The following CADM2 variants were observed in gnomAD, a reference collection of about 807,000 sequenced individuals.
CADM2 encodes the protein immunoglobulin superfamily member 4D.
CADM2 carries 12 observed loss-of-function variants against 49.8 expected under a neutral mutation model. The observed-to-expected ratio is 0.24, with a 90% confidence interval of 0.15 to 0.39. CADM2 has a LOEUF of 0.39. Ranked by LOEUF, CADM2 falls within the 10% of genes least tolerant of loss-of-function variation. The pLI is 1.00. For synonymous variants in CADM2, 214 were observed against 175.4 expected, an observed-to-expected ratio of 1.22 and a Z score of -1.74; for missense variants, 378 against 492.3, an observed-to-expected ratio of 0.77 and a Z score of 2.20.
chr3:85,246,187 A>G (rs372019290), intron 1 of CADM2, among the ~76,000 whole-genome samples: 9 of 152,290 alleles, frequency 5.9e-5, no homozygotes, highest in South Asian at 4.1e-4. Context: ...TCAGCAAACT[A>G]TCGCAAGAAC....
At chr3:86,018,928 T>A (rs1220024904) in intron 8 of CADM2, among the ~76,000 whole-genome samples, 1 of 148,072 alleles carries the variant, frequency 6.8e-6, no homozygotes, top group Non-Finnish European at 1.5e-5. Flanking sequence ...TTGCTTTTGG[T>A]GTTTTAGACA....
chr3:85,730,772 C>A (rs1174017869), intron 2 of CADM2, among the ~76,000 whole-genome samples: 1 of 152,024 alleles, frequency 6.6e-6, no homozygotes, highest in Non-Finnish European at 1.5e-5. Context: ...ATAGCTTTAA[C>A]CCAGAAAAAA....
At chr3:84,968,317 C>T (rs1365440967) in intron 1 of CADM2, among the ~76,000 whole-genome samples, 2 of 151,950 alleles carry the variant, frequency 1.3e-5, no homozygotes, top group South Asian at 2.1e-4. Flanking sequence ...ATTAGTTCTA[C>T]GAGGTTCCCC....
chr3:85,898,932 A>ATT (rs1559729710), intron 5 of CADM2, among the ~76,000 whole-genome samples: 1 of 27,294 alleles, frequency 3.7e-5, no homozygotes, highest in East Asian at 1.3e-3. Context: ...CAATTCATTT[A>ATT]TTGTGTATAT....
intron 1 of CADM2, among the ~76,000 whole-genome samples, chr3:84,971,347 T>C (rs908509333): frequency 2.0e-5 from 3 of 152,194 alleles, no homozygotes; most frequent in African/African-American, 7.2e-5. Flanking sequence ...AAAGAAGTTG[T>C]ATGTTCAATA....
intron 1 of CADM2, among the ~76,000 whole-genome samples, chr3:85,724,889 T>A (rs910154199): frequency 1.3e-5 from 2 of 151,914 alleles, no homozygotes; most frequent in African/African-American, 4.8e-5. Context: ...TTTGATGAAA[T>A]TGAATTTTAA....
At chr3:85,744,006 T>A (rs887184267) in intron 2 of CADM2, among the ~76,000 whole-genome samples, 3 of 152,158 alleles carry the variant, frequency 2.0e-5, no homozygotes, top group African/African-American at 7.2e-5. Context: ...CCTAGCCTCA[T>A]AGAGCATATA....
chr3:85,010,902 C>T (rs2033959543), intron 1 of CADM2, among the ~76,000 whole-genome samples: 1 of 90,858 alleles, frequency 1.1e-5, no homozygotes, highest in Non-Finnish European at 1.9e-5. Flanking sequence ...CTTGCTCTGT[C>T]TCCCAGGCTG....
chr3:85,916,534 G>A (rs1199942455), intron 6 of CADM2, among the ~76,000 whole-genome samples: 3 of 151,940 alleles, frequency 2.0e-5, no homozygotes, highest in East Asian at 1.9e-4. Context: ...GTATTCCATG[G>A]TGTATATGTG....
chr3:85,433,953 T>A (rs2036807358), intron 1 of CADM2, among the ~76,000 whole-genome samples: 1 of 152,086 alleles, frequency 6.6e-6, no homozygotes, highest in South Asian at 2.1e-4. Context: ...TCAGGTTACA[T>A]CCCTTAGACT....
At chr3:85,608,371 A>AT (rs895340213) in intron 1 of CADM2, among the ~76,000 whole-genome samples, 8 of 152,040 alleles carry the variant, frequency 5.3e-5, no homozygotes, top group Middle Eastern at 3.4e-3. Context: ...TCAATTCTGA[A>AT]TTTTTTTTAG....
intron 3 of CADM2, among the ~76,000 whole-genome samples, chr3:85,809,210 C>T (rs1243578976): frequency 1.3e-5 from 2 of 152,256 alleles, no homozygotes; most frequent in African/African-American, 2.4e-5. Flanking sequence ...CAATACTATA[C>T]AGTAGGCATT....
intron 1 of CADM2, among the ~76,000 whole-genome samples, chr3:85,561,075 A>G (rs1254681346): frequency 6.6e-6 from 1 of 152,186 alleles, no homozygotes; most frequent in African/African-American, 2.4e-5. Flanking sequence ...CTCCAAAAAG[A>G]ATAAAAATGT....
intron 2 of CADM2, among the ~76,000 whole-genome samples, chr3:85,763,390 G>A (rs1356226314): frequency 6.6e-6 from 1 of 152,106 alleles, no homozygotes; most frequent in Non-Finnish European, 1.5e-5. Context: ...GCACTTTACT[G>A]ATATATTCAG....
chr3:85,509,884 T>G (rs922204254), intron 1 of CADM2, among the ~76,000 whole-genome samples: 3 of 151,988 alleles, frequency 2.0e-5, no homozygotes, highest in Non-Finnish European at 4.4e-5. Context: ...GTATTTAGCT[T>G]ATTATAAAAT....
chr3:84,987,123 G>A (rs916531700), intron 1 of CADM2, among the ~76,000 whole-genome samples: 1 of 152,052 alleles, frequency 6.6e-6, no homozygotes, highest in Non-Finnish European at 1.5e-5. Context: ...TCAATGGAAT[G>A]TGTTAGGGAG....
chr3:85,714,274 T>C (rs770193716), intron 1 of CADM2, among the ~76,000 whole-genome samples: 12 of 152,222 alleles, frequency 7.9e-5, no homozygotes, highest in Admixed American at 5.2e-4. Context: ...TTATGTTTGC[T>C]CAATGACTAC....
At chr3:85,263,103 C>T (rs2043047595) in intron 1 of CADM2, among the ~76,000 whole-genome samples, 1 of 152,052 alleles carries the variant, frequency 6.6e-6, no homozygotes, top group Non-Finnish European at 1.5e-5. Context: ...AGTAATTCTA[C>T]TGCTTCAGCC....
chr3:85,545,952 C>A (rs191303369), intron 1 of CADM2, among the ~76,000 whole-genome samples: 8 of 152,290 alleles, frequency 5.3e-5, no homozygotes, highest in East Asian at 1.9e-4. Context: ...AAATGAATTT[C>A]TTTCCCATCC....
Sources: gnomAD v4.1 joint callset for allele counts (sites outside exome capture counted in the v4.1 genomes callset) on GRCh38, gnomAD v4.1.1 for gene constraint, MANE v1.5 for transcripts, NCBI Gene and HGNC (gene_info 2026-07-23, HGNC 2026-07-21) for gene names.